Variants in GATAD1 observed in about 807,000 individuals in gnomAD.
The protein encoded by GATAD1 is GATA zinc finger domain-containing protein 1.
A neutral mutation model predicts 26.5 loss-of-function variants in GATAD1; 12 were observed. The observed-to-expected ratio is 0.45, with a 90% CI of 0.29 to 0.73. The LOEUF (loss-of-function observed/expected upper bound fraction) is 0.73. Ranked by LOEUF, GATAD1 falls within the 30% of genes least tolerant of loss-of-function variation. The pLI is 0.10. For missense variants in GATAD1, 266 were observed against 342.1 expected, an observed-to-expected ratio of 0.78 and a Z score of 1.75; for synonymous variants, 129 against 133.1, an observed-to-expected ratio of 0.97 and a Z score of 0.21.
In GATAD1 at chr7:92,458,267, G is replaced by T. The variant is rs1436969131; in HGVS notation, c.*1705G>T. The T allele has an allele frequency of 6.6e-6, 1 of 152,158 alleles. No individual in the cohort carries two copies. The highest frequency in any genetic ancestry group is 6.5e-5 in the Admixed American group (1 of 15,288). 9.4% of individuals were successfully genotyped at this position (152,158 alleles called of 1,614,324 possible). On this transcript the variant is annotated 3_prime_UTR_variant, in exon 5 of 5. Transcript: ENST00000287957. ...AAATGAGACTTCGATCAAACCATAA[G>T]ATTTTATACTGCAGATAGTCAGCTT...
At chr7:92,468,784 T>A in the GATAD1 span, 5 of 744,222 alleles carry the variant, frequency 6.7e-6, no homozygotes, top group African/African-American at 1.7e-5. Flanking sequence ...TCCTGCTGAA[T>A]TGGGGCGTAG....
the GATAD1 span, among the ~76,000 whole-genome samples, chr7:92,477,082 A>G: frequency 2.9e-4 from 44 of 152,308 alleles, no homozygotes; most frequent in African/African-American, 8.4e-4. Context: ...ACTTCTGGCT[A>G]CACCATGATC....
At chr7:92,449,771 C>G in intron 2 of GATAD1, 1 of 206,408 alleles carries the variant, frequency 4.8e-6, no homozygotes, top group Non-Finnish European at 8.4e-6. Context: ...CATAGGTATA[C>G]GTGCCATGGT....
the GATAD1 span, chr7:92,490,150 T>C: frequency 1.9e-6 from 1 of 528,730 alleles, no homozygotes; most frequent in Non-Finnish European, 3.4e-6. Flanking sequence ...AGGGTAGGTT[T>C]TTTTAACTTT....
In GATAD1 at chr7:92,454,560, C is replaced by T. The variant is rs1232845036; in HGVS notation, c.494C>T (p.Pro165Leu). Reference protein sequence around the residue: ...VSVIDEQDGKPYYAQIRGFIQ... With the variant: ...VSVIDEQDGKLYYAQIRGFIQ... ...GTGATTGATGAACAAGATGGAAAGC[C>T]CTACTATGCTCAAATCAGAGGTTTT... Residue 165 changes from proline (P) to leucine (L), a missense_variant, in exon 4 of 5, where the codon CCC becomes CTC. Coordinates refer to ENST00000287957, the MANE Select transcript of GATAD1 (RefSeq NM_021167.5). The T allele has an allele frequency of 6.2e-7, 1 of 1,612,936 alleles. No individual in the cohort carries two copies. Among genetic ancestry groups the T allele is most frequent in the East Asian group, 2.2e-5 (1 of 44,864 alleles).
chr7:92,451,648 A>C (rs565870061), intron 3 of GATAD1, among the ~76,000 whole-genome samples: 1 of 152,378 alleles, frequency 6.6e-6, no homozygotes, highest in South Asian at 2.1e-4. Context: ...GGAAAAACCA[A>C]CAACAAAAAA....
chr7:92,489,485 T>C, the GATAD1 span: 23 of 1,436,014 alleles, frequency 1.6e-5, no homozygotes, highest in South Asian at 1.4e-4. Flanking sequence ...AATGTGGTAG[T>C]CCAGTTGTTA....
chr7:92,463,218 G>A (rs1240891318), downstream of GATAD1, among the ~76,000 whole-genome samples: 1 of 152,150 alleles, frequency 6.6e-6, no homozygotes, highest in African/African-American at 2.4e-5. Context: ...AACATTAGAG[G>A]TTACCAGGGT....
chr7:92,486,180 C>T, the GATAD1 span, among the ~76,000 whole-genome samples: 1 of 152,178 alleles, frequency 6.6e-6, no homozygotes, highest in Non-Finnish European at 1.5e-5. Flanking sequence ...CAGCAGTGAC[C>T]AACCAGGCAA....
At chr7:92,464,571 T>C (rs147114584), downstream of GATAD1, among the ~76,000 whole-genome samples, 91 of 152,318 alleles carry the variant, frequency 6.0e-4, no homozygotes, top group Non-Finnish European at 1.1e-3. Flanking sequence ...TGCACAAATA[T>C]CCGAAGCCTA....
chr7:92,456,629 A>G lies in GATAD1; in HGVS notation c.*67A>G, dbSNP rs1343534228. ...TCACGCCTGTAGCCCCAGCTATTGC[A>G]CCACTGCTCTCCAAGCTGGGCAATG... On this transcript the variant is annotated 3_prime_UTR_variant, in exon 5 of 5. Coordinates refer to ENST00000287957, the MANE Select transcript of GATAD1 (RefSeq NM_021167.5). 7.5e-6 allele frequency: 7 copies of G among 932,048 alleles called. No homozygotes were observed. Among genetic ancestry groups the G allele is most frequent in the African/African-American group, 1.7e-5 (1 of 60,278 alleles). 57.7% of individuals were successfully genotyped at this position (932,048 alleles called of 1,614,324 possible).
the GATAD1 span, chr7:92,489,199 A>G: frequency 3.1e-4 from 359 of 1,152,150 alleles, no homozygotes; most frequent in South Asian, 8.3e-4. Flanking sequence ...TATTCAAAAT[A>G]TTTTTATTTT....
intron 4 of GATAD1, among the ~76,000 whole-genome samples, chr7:92,455,163 A>C (rs1789616813): frequency 6.6e-6 from 1 of 152,170 alleles, no homozygotes; most frequent in African/African-American, 2.4e-5. Context: ...ATTATTAAGT[A>C]CAAAAAAATT....
At chr7:92,494,051 A>AT in the GATAD1 span, 676 of 462,058 alleles carry the variant, frequency 1.5e-3, 1 homozygote, top group Middle Eastern at 5.1e-3. Context: ...GGTTTCTTGC[A>AT]TTTTTTTTTC....
rs1432963553 is a variant in GATAD1 at position 92,447,759 on chromosome 7, C to G, written c.30C>G (p.Ser10Arg). 2.0e-6 allele frequency: 3 copies of G among 1,497,974 alleles called. No homozygotes were observed. Among genetic ancestry groups the G allele is most frequent in the Non-Finnish European group, 2.7e-6 (3 of 1,123,144 alleles). 92.8% of individuals were successfully genotyped at this position (1,497,974 alleles called of 1,614,324 possible). The change falls in exon 1 of 5, where the codon AGC (serine) becomes AGG (arginine). Residue 10 changes from serine to arginine, a missense_variant. Physicochemically the swap from Ser to Arg is moderately radical, Grantham distance 110 (BLOSUM62 -1). Coordinates refer to ENST00000287957, the MANE Select transcript of GATAD1 (RefSeq NM_021167.5). ...CGCTGGGCCTGAAGCCCACCTGCAG[C>G]GTATGCAAGACCACGTCGTCCTCCA... MPLGLKPTC[S>R]VCKTTSSSMW...
chr7:92,488,403 G>A, the GATAD1 span, among the ~76,000 whole-genome samples: 2 of 152,058 alleles, frequency 1.3e-5, no homozygotes. Context: ...GATAACAAAA[G>A]GTAGCAGCTT....
chr7:92,462,205 C>A (rs1043631288), downstream of GATAD1, among the ~76,000 whole-genome samples: 4 of 151,946 alleles, frequency 2.6e-5, no homozygotes, highest in Non-Finnish European at 2.9e-5. Context: ...CAGAAACAAT[C>A]TAAAGGTCCA....
intron 3 of GATAD1, among the ~76,000 whole-genome samples, chr7:92,452,127 T>A (rs1789462038): frequency 6.6e-6 from 1 of 152,252 alleles, no homozygotes; most frequent in South Asian, 2.1e-4. Context: ...TATTTGTGCA[T>A]TACCTTCACA....
the GATAD1 span, among the ~76,000 whole-genome samples, chr7:92,486,729 A>AATG: frequency 1.3e-5 from 2 of 151,780 alleles, no homozygotes; most frequent in Non-Finnish European, 2.9e-5. Flanking sequence ...TATTTTAATT[A>AATG]ATGTTCTCCT....
Sources: gnomAD v4.1 joint callset for allele counts (sites outside exome capture counted in the v4.1 genomes callset) on GRCh38, gnomAD v4.1.1 for gene constraint, MANE v1.5 for transcripts, NCBI Gene and HGNC (gene_info 2026-07-23, HGNC 2026-07-21) for gene names.